Variants in EXOC3 observed in about 807,000 individuals in gnomAD.
EXOC3 encodes SEC6-like 1.
A neutral mutation model predicts 73.7 loss-of-function variants in EXOC3; 21 were observed. That is an observed-to-expected ratio of 0.29 (90% CI 0.20 to 0.41). The LOEUF (loss-of-function observed/expected upper bound fraction) is 0.41, where lower values mean the gene tolerates loss of function less well. EXOC3 is among the 10% of genes least tolerant of loss of function. EXOC3 has a pLI of 1.00. For missense variants in EXOC3, 842 were observed against 985.1 expected, an observed-to-expected ratio of 0.85 and a Z score of 1.95; for synonymous variants, 410 against 389.1, an observed-to-expected ratio of 1.05 and a Z score of -0.63.
intron 10 of EXOC3, 60 bp from the exon 11 acceptor site, chr5:465,051 G>C: frequency 6.8e-7 from 1 of 1,473,664 alleles, no homozygotes; most frequent in Non-Finnish European, 9.0e-7. Flanking sequence ...GGGTTTCAAT[G>C]AGGGTGCTCC....
chr5:457,435 C>A, intron 5 of EXOC3: 1 of 243,520 alleles, frequency 4.1e-6, no homozygotes, highest in South Asian at 5.7e-5. Context: ...GCTTCTTAGA[C>A]AAGGGTGCGT....
At chr5:458,834 G>A (rs1040095981) in intron 6 of EXOC3, among the ~76,000 whole-genome samples, 1 of 152,216 alleles carries the variant, frequency 6.6e-6, no homozygotes, top group Admixed American at 6.5e-5. Flanking sequence ...GAATGATACC[G>A]TTAGTTATTG....
chr5:449,389 C>A (rs1737593968), intron 3 of EXOC3, among the ~76,000 whole-genome samples: 1 of 152,198 alleles, frequency 6.6e-6, no homozygotes, highest in Non-Finnish European at 1.5e-5. Flanking sequence ...ATTGCCACAT[C>A]CGTCTTCAGA....
rs374263956 is a variant in EXOC3 at position 462,184 on chromosome 5, G to A, written c.1530G>A (p.Lys510=). The change falls in exon 9 of 13, where the codon AAG becomes AAA. Residue 510 remains lysine, a synonymous_variant. Transcript: ENST00000512944. The part of the protein sequence containing the change: ...FKESIVSLKR[K]YLKNEVEEGV... The stretch of plus-strand genomic sequence containing the variant: ...AATCCATAGTCAGTTTAAAAAGAAA[G>A]TATTTAAAGAATGAAGTGGAAGAGG... The A allele has an allele frequency of 7.4e-6, 12 of 1,613,880 alleles. No individual in the cohort carries two copies. Among genetic ancestry groups the A allele is most frequent in the Middle Eastern group, 1.6e-4 (1 of 6,084 alleles).
At chr5:451,919 C>G (rs931755397) in intron 3 of EXOC3, among the ~76,000 whole-genome samples, 1 of 152,240 alleles carries the variant, frequency 6.6e-6, no homozygotes, top group Non-Finnish European at 1.5e-5. Flanking sequence ...GAAATCTGAT[C>G]TGCTCATAAT....
chr5:464,904 TG>T, intron 10 of EXOC3: 1 of 603,228 alleles, frequency 1.7e-6, no homozygotes, highest in Non-Finnish European at 2.9e-6. Context: ...GGAGCTGGCC[TG>T]GTGCGGGGGT....
At chr5:453,311 G>A in intron 3 of EXOC3, 59 bp from the exon 4 acceptor site, 3 of 1,354,800 alleles carry the variant, frequency 2.2e-6, no homozygotes, top group Non-Finnish European at 3.0e-6. Context: ...AACACCGCAT[G>A]CAGGCAGCCT....
At position 446,106 on chromosome 5, in the gene EXOC3, A is replaced by G; in HGVS notation, c.-56-44A>G. 5 of 1,337,126 alleles carry G rather than the reference A, an allele frequency of 3.7e-6. 1 individual carries two copies. The South Asian group carries it at 4.8e-5, about 13-fold the overall frequency. 82.8% of individuals were successfully genotyped at this position (1,337,126 alleles called of 1,614,324 possible). On this transcript the variant is annotated intron_variant, in intron 1 of 12. Coordinates refer to ENST00000512944, the MANE Select transcript of EXOC3 (RefSeq NM_007277.5). ...CTGTGATCACCTGATAGTTTGGGGGAGGTTTTGTACCTAACATTTCTACCG... is the reference window on the plus strand; with the variant it reads ...CTGTGATCACCTGATAGTTTGGGGGGGGTTTTGTACCTAACATTTCTACCG...
At chr5:466,704 G>C in intron 12 of EXOC3, 23 bp from the exon 13 acceptor site, 1 of 1,603,132 alleles carries the variant, frequency 6.2e-7, no homozygotes, top group Non-Finnish European at 8.5e-7. Flanking sequence ...AGTGGGCATG[G>C]GCTGACATCT....
intron 1 of EXOC3, 78 bp from the exon 2 acceptor site, chr5:446,072 G>A (rs1737496362): frequency 1.0e-6 from 1 of 964,180 alleles, no homozygotes; most frequent in Non-Finnish European, 1.6e-6. Flanking sequence ...GGCTCTGCTT[G>A]TAGCTCCACT....
At chr5:463,834 CAAAT>C (rs978674756) in intron 9 of EXOC3, among the ~76,000 whole-genome samples, 1 of 152,106 alleles carries the variant, frequency 6.6e-6, no homozygotes, top group African/African-American at 2.4e-5. Context: ...GAGAATTGGG[CAAAT>C]AAATACGATA....
At position 461,941 on chromosome 5, in the gene EXOC3, G is replaced by A. The variant is rs770185735; in HGVS notation, c.1392-19G>A. On this transcript the variant is annotated intron_variant, in intron 7 of 12. Transcript: ENST00000512944. Reference sequence around the variant, plus strand: ...ATGTTGCCCTTAGTGCTGTCTGACCGAAGCCTGTCTGTCCTCAGATATAAA... The same window carrying A: ...ATGTTGCCCTTAGTGCTGTCTGACCAAAGCCTGTCTGTCCTCAGATATAAA... The A allele has an allele frequency of 1.7e-5, 26 of 1,553,920 alleles. No homozygotes were observed. Among genetic ancestry groups the A allele is most frequent in the Middle Eastern group, 1.7e-4 (1 of 6,004 alleles).
At chr5:444,382 C>G (rs1481030540) in intron 1 of EXOC3, among the ~76,000 whole-genome samples, 1 of 152,362 alleles carries the variant, frequency 6.6e-6, no homozygotes, top group African/African-American at 2.4e-5. Flanking sequence ...GCTCTCCACT[C>G]ACATTGCCTT....
At chr5:457,090 G>A in intron 5 of EXOC3, 84 bp downstream of exon 5, 2 of 931,648 alleles carry the variant, frequency 2.1e-6, no homozygotes, top group Non-Finnish European at 3.5e-6. Context: ...GGAGGCAGGG[G>A]GGAAATGCCT....
chr5:467,270 T>G lies in EXOC3; in HGVS notation c.*372T>G. 4.6e-6 allele frequency: 1 copy of G among 215,810 alleles called. No homozygotes were observed. The highest frequency in any genetic ancestry group is 9.9e-5 in the East Asian group (1 of 10,100). The allele number at this position is 215,810 out of a possible 1,614,324, so 13.4% of individuals were successfully genotyped here. On this transcript the variant is annotated 3_prime_UTR_variant, in exon 13 of 13. Coordinates refer to ENST00000512944, the MANE Select transcript of EXOC3 (RefSeq NM_007277.5). ...CGGAACCCCGTCACCTAATTAAAGTTTCTCGGCTTCCTCAGAGAAATGAAA... is the reference window on the plus strand; with the variant it reads ...CGGAACCCCGTCACCTAATTAAAGTGTCTCGGCTTCCTCAGAGAAATGAAA...
intron 12 of EXOC3, chr5:466,131 T>G: frequency 5.9e-6 from 2 of 338,448 alleles, no homozygotes; most frequent in South Asian, 3.5e-5. Flanking sequence ...CTGTGTGTGG[T>G]GGGGAAGATT....
At chr5:448,205 G>C (rs971922023) in intron 3 of EXOC3, among the ~76,000 whole-genome samples, 2 of 152,242 alleles carry the variant, frequency 1.3e-5, no homozygotes, top group Non-Finnish European at 2.9e-5. Context: ...GGAGAAGCGT[G>C]TGTGCACAGG....
chr5:460,628 C>T (rs553092703), intron 7 of EXOC3, among the ~76,000 whole-genome samples: 124 of 152,260 alleles, frequency 8.1e-4, no homozygotes, highest in African/African-American at 2.9e-3. Context: ...GCCAAGTTCC[C>T]ATTGGCCCTC....
chr5:446,095 T>C (rs1483494703), intron 1 of EXOC3, 55 bp from the exon 2 acceptor site: 4 of 1,212,908 alleles, frequency 3.3e-6, no homozygotes, highest in African/African-American at 1.5e-5. Flanking sequence ...GATCACCTGA[T>C]AGTTTGGGGG....
Sources: allele counts gnomAD v4.1 joint callset (sites outside exome capture counted in the v4.1 genomes callset), GRCh38; gene constraint gnomAD v4.1.1; transcripts MANE v1.5; gene names NCBI Gene and HGNC (gene_info 2026-07-23, HGNC 2026-07-21).